FBXO28: variants seen among roughly 807,000 people sequenced by gnomAD.
The protein encoded by FBXO28 is F-box only protein 28.
FBXO28 carries 8 observed loss-of-function variants against 38.1 expected under a neutral mutation model. The ratio of observed to expected loss-of-function variants is 0.21; its 90% confidence interval spans 0.12 to 0.38. The LOEUF (loss-of-function observed/expected upper bound fraction) is 0.38, where lower values mean the gene tolerates loss of function less well. Ranked by LOEUF, FBXO28 falls within the 10% of genes least tolerant of loss-of-function variation. The pLI is 1.00. For missense variants in FBXO28, 345 were observed against 460.6 expected, an observed-to-expected ratio of 0.75 and a Z score of 2.30; for synonymous variants, 168 against 173.8, an observed-to-expected ratio of 0.97 and a Z score of 0.26.
At chr1:224,149,004 G>T in intron 3 of FBXO28, among the ~76,000 whole-genome samples, 1 of 152,254 alleles carries the variant, frequency 6.6e-6, no homozygotes. Context: ...ATGGAGTCAT[G>T]TTTCACTGGA....
At chr1:224,127,164 TTGTGTGTGTGTGTGTGTGTATGTG>T (rs1260625792) in intron 1 of FBXO28, among the ~76,000 whole-genome samples, 1 of 88,480 alleles carries the variant, frequency 1.1e-5, no homozygotes, top group Admixed American at 1.2e-4. Flanking sequence ...TGTAAAGTAT[TTGTGTGTGTGTGTGTGTGTATGTG>T]TGTGTGTGTG....
intron 4 of FBXO28, among the ~76,000 whole-genome samples, chr1:224,157,001 C>CAAA (rs60316057): frequency 0.037 from 5,072 of 136,968 alleles, 244 homozygotes; most frequent in African/African-American, 0.1. Flanking sequence ...GACTCTGTCT[C>CAAA]AAAAAAAAAA....
At chr1:224,148,175 C>T (rs1657555611) in intron 3 of FBXO28, among the ~76,000 whole-genome samples, 1 of 152,050 alleles carries the variant, frequency 6.6e-6, no homozygotes, top group Non-Finnish European at 1.5e-5. Flanking sequence ...TAGAAGACTA[C>T]AGTAAAGATA....
intron 1 of FBXO28, among the ~76,000 whole-genome samples, chr1:224,121,639 G>A (rs1476196404): frequency 6.6e-6 from 1 of 152,030 alleles, no homozygotes; most frequent in African/African-American, 2.4e-5. Context: ...GCAGACGTGA[G>A]CCACCACACT....
At position 224,114,150 on chromosome 1, in the gene FBXO28, G is replaced by C. The variant is rs755971501; in HGVS notation, c.21G>C (p.Glu7Asp). The C allele has an allele frequency of 2.0e-5, 31 of 1,544,290 alleles. No individual in the cohort carries two copies. Among genetic ancestry groups the C allele is most frequent in the Non-Finnish European group, 2.7e-5 (31 of 1,144,428 alleles). ...CCAAGATGGCGGCAGCGGCGGAGGA[G>C]CGGATGGCAGAGGAAGGAGGCGGCG... Reference protein sequence around the residue: MAAAAEERMAEEGGGGQ... With the variant: MAAAAEDRMAEEGGGGQ... Residue 7 changes from glutamate to aspartate, a missense_variant, in exon 1 of 5, where the codon GAG becomes GAC. Around this residue, in one of 6 missense-constraint regions of FBXO28, gnomAD observed 104 missense variants for 82.0 expected, o/e 1.27. Transcript: ENST00000366862.
intron 3 of FBXO28, among the ~76,000 whole-genome samples, chr1:224,148,765 C>G (rs1290987317): frequency 6.6e-6 from 1 of 152,196 alleles, no homozygotes; most frequent in Admixed American, 6.5e-5. Context: ...ATCCTATCAC[C>G]TATCCATCCA....
At chr1:224,154,427 T>G (rs1274146552) in intron 4 of FBXO28, among the ~76,000 whole-genome samples, 1 of 152,044 alleles carries the variant, frequency 6.6e-6, no homozygotes, top group African/African-American at 2.4e-5. Context: ...TCCCAGAACT[T>G]TGGGAGGCCG....
At chr1:224,143,680 AAAT>A (rs1657425094) in intron 3 of FBXO28, among the ~76,000 whole-genome samples, 1 of 151,942 alleles carries the variant, frequency 6.6e-6, no homozygotes, top group Admixed American at 6.6e-5. Flanking sequence ...AAAAATAAAT[AAAT>A]AAATTAGCCA....
At chr1:224,118,371 G>T (rs536727295) in intron 1 of FBXO28, among the ~76,000 whole-genome samples, 109 of 152,244 alleles carry the variant, frequency 7.2e-4, no homozygotes, top group African/African-American at 2.6e-3. Context: ...GCTTTTAAAA[G>T]ATGTTTTAGA....
intron 3 of FBXO28, among the ~76,000 whole-genome samples, chr1:224,139,801 C>CATGA (rs1310538942): frequency 6.9e-6 from 1 of 144,488 alleles, no homozygotes; most frequent in African/African-American, 2.5e-5. Context: ...TACATACATA[C>CATGA]ATTTTGGCCA....
At chr1:224,129,760 C>T (rs1471129260) in intron 1 of FBXO28, among the ~76,000 whole-genome samples, 1 of 152,066 alleles carries the variant, frequency 6.6e-6, no homozygotes, top group South Asian at 2.1e-4. Context: ...GAGGCCGAGG[C>T]AGGCGGATCA....
intron 4 of FBXO28, among the ~76,000 whole-genome samples, chr1:224,155,347 A>G (rs948446455): frequency 3.3e-5 from 5 of 151,846 alleles, no homozygotes; most frequent in African/African-American, 9.7e-5. Flanking sequence ...TGTATTTTTT[A>G]GTAGAAACAG....
chr1:224,126,484 T>A (rs1656906042), intron 1 of FBXO28, among the ~76,000 whole-genome samples: 1 of 152,214 alleles, frequency 6.6e-6, no homozygotes, highest in Non-Finnish European at 1.5e-5. Flanking sequence ...GTACCTCAGT[T>A]TATTTTTAAG....
chr1:224,130,808 C>T (rs1025200549), intron 2 of FBXO28: 1 of 417,092 alleles, frequency 2.4e-6, no homozygotes, highest in African/African-American at 2.0e-5. Flanking sequence ...AAATACAAGG[C>T]ATCCAAATGG....
chr1:224,135,629 A>G (rs1053231855), intron 3 of FBXO28, among the ~76,000 whole-genome samples: 15 of 147,228 alleles, frequency 1.0e-4, no homozygotes, highest in East Asian at 2.1e-4. Flanking sequence ...AAAAAAAAAA[A>G]AAAAAAGAAA....
At position 224,117,988 on chromosome 1, in the gene FBXO28, A is replaced by AATTT. The variant is rs774465727; in HGVS notation, c.267+3595_267+3596insTATT. Reference sequence around the variant, plus strand: ...GAAAAACAAGTATAGGGAGCTTTTTAATTAATTAATTAATTTATTTATTTA... The same window carrying AATTT: ...GAAAAACAAGTATAGGGAGCTTTTTAATTTATTAATTAATTAATTTATTTATTTA... On this transcript the variant is annotated intron_variant, in intron 1 of 4. Coordinates refer to ENST00000366862, the MANE Select transcript of FBXO28 (RefSeq NM_015176.4). Among the ~76,000 whole-genome samples, 1,011 of 148,006 alleles carry AATTT rather than the reference A, an allele frequency of 6.8e-3. 11 individuals are homozygous for AATTT. The highest frequency in any genetic ancestry group is 0.024 in the African/African-American group (955 of 39,436).
intron 3 of FBXO28, 139 bp downstream of exon 3, chr1:224,134,351 TAC>T (rs1373411715): frequency 1.4e-6 from 1 of 714,324 alleles, no homozygotes; most frequent in Non-Finnish European, 2.2e-6. Flanking sequence ...TTGCTTTCTG[TAC>T]AGTTATAAAT....
chr1:224,137,634 G>C (rs1010372057), intron 3 of FBXO28, among the ~76,000 whole-genome samples: 2 of 151,866 alleles, frequency 1.3e-5, no homozygotes, highest in Non-Finnish European at 2.9e-5. Context: ...AGAAACAAAT[G>C]GTAACTGATT....
intron 3 of FBXO28, among the ~76,000 whole-genome samples, chr1:224,152,508 TG>T (rs1218363865): frequency 1.3e-5 from 2 of 152,216 alleles, no homozygotes; most frequent in Non-Finnish European, 2.9e-5. Flanking sequence ...GTATCACTTA[TG>T]TACACACATA....
Sources: gnomAD v4.1 joint callset for allele counts (sites outside exome capture counted in the v4.1 genomes callset) on GRCh38, gnomAD v4.1.1 for gene constraint, gnomAD v4.1.1 regional missense constraint, MANE v1.5 for transcripts, NCBI Gene and HGNC (gene_info 2026-07-23, HGNC 2026-07-21) for gene names.